The following CAPRIN1 variants were observed in gnomAD, a reference collection of about 807,000 sequenced individuals.
The protein encoded by CAPRIN1 is cell cycle associated protein 1, also known as caprin-1.
CAPRIN1 carries 29 observed loss-of-function variants against 100.9 expected under a neutral mutation model. The ratio of observed to expected loss-of-function variants is 0.29; its 90% confidence interval spans 0.21 to 0.39. The LOEUF (loss-of-function observed/expected upper bound fraction) is 0.39, where lower values mean the gene tolerates loss of function less well. Ranked by LOEUF, CAPRIN1 falls within the 10% of genes least tolerant of loss-of-function variation. CAPRIN1 has a pLI of 1.00. For missense variants in CAPRIN1, 795 were observed against 876.7 expected (o/e 0.91, Z 1.18); for synonymous variants, 338 against 307.5 (o/e 1.10, Z -1.04).
chr11:34,074,885 A>C (rs1590732242), intron 4 of CAPRIN1, among the ~76,000 whole-genome samples: 1 of 144,660 alleles, frequency 6.9e-6, no homozygotes, highest in East Asian at 1.9e-4. Flanking sequence ...AACAAACAAA[A>C]AACACCTTCC....
intron 18 of CAPRIN1, chr11:34,098,770 C>T: frequency 1.0e-6 from 1 of 985,130 alleles, no homozygotes; most frequent in African/African-American, 1.7e-5. Flanking sequence ...TCTGTTTTAA[C>T]AGCATGTAAA....
chr11:34,097,873 T>C (rs982071164), intron 18 of CAPRIN1, 112 bp downstream of exon 18: 8 of 1,539,644 alleles, frequency 5.2e-6, no homozygotes, highest in Middle Eastern at 1.8e-4. Flanking sequence ...CCAGACTTGT[T>C]GCTAGGGATT....
chr11:34,081,327 A>C (rs1227778120), intron 7 of CAPRIN1, among the ~76,000 whole-genome samples: 6 of 151,848 alleles, frequency 4.0e-5, no homozygotes, highest in Admixed American at 3.9e-4. Context: ...CAGGCTCCTG[A>C]GTAGTGGGGA....
At chr11:34,062,624 CAAAA>C (rs36059851) in intron 2 of CAPRIN1, among the ~76,000 whole-genome samples, 8 of 100,588 alleles carry the variant, frequency 8.0e-5, no homozygotes, top group Non-Finnish European at 1.2e-4. Context: ...AACTCCGTCT[CAAAA>C]AAAAAAAAAA....
intron 2 of CAPRIN1, among the ~76,000 whole-genome samples, chr11:34,061,590 G>T (rs1850579927): frequency 6.6e-6 from 1 of 151,914 alleles, no homozygotes; most frequent in African/African-American, 2.4e-5. Context: ...GCTTTAACCA[G>T]TCTTCCAGGG....
chr11:34,061,200 CTTTTT>C lies in CAPRIN1; in HGVS notation c.216+8583_216+8587del, dbSNP rs770158492. On this transcript the variant is annotated intron_variant, in intron 2 of 18. Coordinates refer to ENST00000341394, the MANE Select transcript of CAPRIN1 (RefSeq NM_005898.5). ...TTACAATGGAACCTTAGGTAACATC[CTTTTT>C]TTTTTTTTTTTTTTTTTTGAGATGG... 4.5e-3 allele frequency among the ~76,000 whole-genome samples: 464 copies of C among 102,838 alleles called. 2 individuals carry two copies. Among genetic ancestry groups the C allele is most frequent in the African/African-American group, 0.017 (443 of 26,222 alleles). 67.5% of individuals were successfully genotyped at this position (102,838 alleles called of 152,430 possible).
At chr11:34,054,575 C>T (rs567949100) in intron 2 of CAPRIN1, among the ~76,000 whole-genome samples, 1 of 152,148 alleles carries the variant, frequency 6.6e-6, no homozygotes, top group South Asian at 2.1e-4. Flanking sequence ...GTACAGGTGC[C>T]TGCCACCACG....
At chr11:34,092,388 A>T (rs1477514743) in intron 15 of CAPRIN1, among the ~76,000 whole-genome samples, 1 of 145,780 alleles carries the variant, frequency 6.9e-6, no homozygotes, top group African/African-American at 2.6e-5. Flanking sequence ...ATGGGGTCTC[A>T]CTCTGTCACC....
At chr11:34,082,336 C>G (rs868719981) in intron 7 of CAPRIN1, among the ~76,000 whole-genome samples, 1 of 151,644 alleles carries the variant, frequency 6.6e-6, no homozygotes, top group East Asian at 2.0e-4. Context: ...TGCAGGCGTC[C>G]GCCACCATGC....
chr11:34,066,404 GCT>G lies in CAPRIN1; in HGVS notation c.217-5317_217-5316del, dbSNP rs1356037994. ...GCTGGAGTGCAGTGGCACGATCTTG[GCT>G]CTCTGCAACCTCTGCCACCTGGGTT... On this transcript the variant is annotated intron_variant, in intron 2 of 18. Transcript: ENST00000341394. 3.3e-5 allele frequency among the ~76,000 whole-genome samples: 5 copies of G among 151,662 alleles called. 1 individual carries two copies. Among genetic ancestry groups the G allele is most frequent in the African/African-American group, 1.2e-4 (5 of 41,234 alleles).
At position 34,100,449 on chromosome 11, in the gene CAPRIN1, C is replaced by T. The variant is rs1011974566; in HGVS notation, c.*1082C>T. On this transcript the variant is annotated 3_prime_UTR_variant, in exon 19 of 19. Coordinates refer to ENST00000341394, the MANE Select transcript of CAPRIN1 (RefSeq NM_005898.5). The stretch of plus-strand genomic sequence containing the variant: ...TGATTTCCCTGTTTCAGGGAAATCA[C>T]GGACAGTAGTTTCAGTTCTGATGGT... The T allele has an allele frequency of 4.6e-5, 7 of 152,098 alleles. No individual in the cohort carries two copies. Among genetic ancestry groups the T allele is most frequent in the Non-Finnish European group, 7.4e-5 (5 of 68,004 alleles). The allele number at this position is 152,098 out of a possible 1,614,324, so 9.4% of individuals were successfully genotyped here.
At chr11:34,085,682 T>G (rs574891555) in intron 9 of CAPRIN1, among the ~76,000 whole-genome samples, 2 of 152,220 alleles carry the variant, frequency 1.3e-5, no homozygotes, top group African/African-American at 4.8e-5. Context: ...TGGGTGCCTG[T>G]AATCCCAGCT....
At chr11:34,097,987 C>T in intron 18 of CAPRIN1, 1 of 1,233,384 alleles carries the variant, frequency 8.1e-7, no homozygotes, top group Non-Finnish European at 1.0e-6. Flanking sequence ...AAAACTAGAA[C>T]ATATTCTCTT....
At chr11:34,081,019 A>G (rs528702787) in intron 7 of CAPRIN1, among the ~76,000 whole-genome samples, 1 of 152,306 alleles carries the variant, frequency 6.6e-6, no homozygotes, top group African/African-American at 2.4e-5. Flanking sequence ...TTAATATAGT[A>G]GCTCTTTATT....
At chr11:34,052,937 G>C in intron 2 of CAPRIN1, 1 of 1,239,132 alleles carries the variant, frequency 8.1e-7, no homozygotes, top group Non-Finnish European at 1.0e-6. Flanking sequence ...ATGTGAGGGT[G>C]GGGGCCTGTC....
intron 2 of CAPRIN1, chr11:34,053,310 C>T (rs1451359586): frequency 8.6e-6 from 2 of 233,034 alleles, no homozygotes; most frequent in Non-Finnish European, 1.4e-5. Context: ...CCCCGAGCCT[C>T]AGGCTCAGCT....
chr11:34,081,538 C>T (rs1161809589), intron 7 of CAPRIN1, among the ~76,000 whole-genome samples: 3 of 150,922 alleles, frequency 2.0e-5, no homozygotes, highest in East Asian at 3.9e-4. Flanking sequence ...CTGTCGCCCA[C>T]GCTGGAGTGT....
intron 15 of CAPRIN1, among the ~76,000 whole-genome samples, chr11:34,092,407 A>G (rs1170076015): frequency 6.7e-6 from 1 of 149,078 alleles, no homozygotes; most frequent in African/African-American, 2.5e-5. Context: ...CCCAGGCTGG[A>G]GCGCAGTGCC....
In CAPRIN1 at chr11:34,089,520, A is replaced by G. The variant is rs114926358; in HGVS notation, c.1293+64A>G. ...GGTGGCTCGTACCTATAATCCTAGT[A>G]CTTTAGGAGGCTGAGATGGGAGGAT... On this transcript the variant is annotated intron_variant, in intron 12 of 18. Transcript: ENST00000341394. 2.5e-4 allele frequency: 219 copies of G among 877,840 alleles called. No individual in the cohort carries two copies. In the African/African-American group the frequency reaches 3.4e-3, roughly 14 times the overall value. 54.4% of individuals were successfully genotyped at this position (877,840 alleles called of 1,614,324 possible).
Sources: allele counts gnomAD v4.1 joint callset (sites outside exome capture counted in the v4.1 genomes callset), GRCh38; gene constraint gnomAD v4.1.1; transcripts MANE v1.5; gene names NCBI Gene and HGNC (gene_info 2026-07-23, HGNC 2026-07-21).